The following ARHGAP22 variants were observed in gnomAD, a reference collection of about 807,000 sequenced individuals.
The protein encoded by ARHGAP22 is Rho GTPase activating protein 22.
Under a neutral mutation model 59.1 loss-of-function variants are expected in ARHGAP22, and 48 were observed. The ratio of observed to expected loss-of-function variants is 0.81; its 90% CI spans 0.64 to 1.03. ARHGAP22 has a LOEUF of 1.03. Among genes scored for constraint, ARHGAP22 ranks in the 50% least tolerant of loss-of-function variants. The pLI is 0.00. For missense variants in ARHGAP22, 1,015 were observed against 958.7 expected, an observed-to-expected ratio of 1.06 and a Z score of -0.78; for synonymous variants, 445 against 416.4, an observed-to-expected ratio of 1.07 and a Z score of -0.84.
the ARHGAP22 span, chr10:48,435,059 T>TCTG: frequency 4.5e-6 from 2 of 447,998 alleles, no homozygotes; most frequent in Non-Finnish European, 4.3e-6. Context: ...GTGGGAGGGA[T>TCTG]GGGGAGTCGG....
chr10:48,555,579 G>A (rs2057247608), intron 2 of ARHGAP22, 29 bp from the exon 3 acceptor site: 1 of 1,604,028 alleles, frequency 6.2e-7, no homozygotes, highest in Non-Finnish European at 8.5e-7. Flanking sequence ...CAAACACAGG[G>A]AGCATGAGAT....
intron 1 of ARHGAP22, among the ~76,000 whole-genome samples, chr10:48,637,015 G>A (rs952374464): frequency 1.1e-4 from 17 of 152,216 alleles, no homozygotes; most frequent in Admixed American, 3.9e-4. Flanking sequence ...GAGCTCCAGC[G>A]TGAAGGGCCA....
intron 3 of ARHGAP22, among the ~76,000 whole-genome samples, chr10:48,518,055 T>C (rs2053461707): frequency 6.6e-6 from 1 of 152,090 alleles, no homozygotes; most frequent in African/African-American, 2.4e-5. Flanking sequence ...CTGGTTCCCT[T>C]TTTGAAAAAC....
At chr10:48,533,183 T>TG (rs765560049) in intron 3 of ARHGAP22, among the ~76,000 whole-genome samples, 281 of 132,316 alleles carry the variant, frequency 2.1e-3, no homozygotes, top group Middle Eastern at 7.0e-3. Flanking sequence ...GTTCTGTTGT[T>TG]TTTTTTTTTT....
chr10:48,462,248 T>TGG (rs35916329), intron 4 of ARHGAP22, among the ~76,000 whole-genome samples: 637 of 54,602 alleles, frequency 0.012, 2 homozygotes, highest in African/African-American at 0.035. Context: ...CACTTCGGGG[T>TGG]GGGGGGGGGG....
rs75894174 is a variant in ARHGAP22 at position 48,627,776 on chromosome 10, G to A, written c.52+24458C>T. Among the ~76,000 whole-genome samples, 411 of 152,340 alleles carry A rather than the reference G, an allele frequency of 2.7e-3. 15 individuals are homozygous for A. The East Asian group carries it at 0.07, about 26-fold the overall frequency. On this transcript the variant is annotated intron_variant, in intron 1 of 9. Coordinates refer to the ARHGAP22 transcript ENST00000435790. ...GCATGCATTCTCAGGGCCCCTGGAT[G>A]AGGGTCACTTTGGGCCCGGCCTCTG...
intron 8 of ARHGAP22, among the ~76,000 whole-genome samples, chr10:48,452,583 T>C (rs1205647346): frequency 1.3e-5 from 2 of 152,224 alleles, no homozygotes; most frequent in Non-Finnish European, 2.9e-5. Context: ...GCTGTGGGCT[T>C]CCTGTCTGAG....
At chr10:48,465,033 G>C (rs2047513241) in intron 4 of ARHGAP22, among the ~76,000 whole-genome samples, 1 of 152,256 alleles carries the variant, frequency 6.6e-6, no homozygotes, top group South Asian at 2.1e-4. Flanking sequence ...CCTTATTAGG[G>C]GCCCCACCAA....
chr10:48,499,774 G>A (rs1007536721), intron 3 of ARHGAP22, among the ~76,000 whole-genome samples: 1 of 152,158 alleles, frequency 6.6e-6, no homozygotes, highest in African/African-American at 2.4e-5. Context: ...TAAATCAACT[G>A]GGTGCGAAAT....
chr10:48,613,230 A>G (rs2060960179), intron 1 of ARHGAP22, among the ~76,000 whole-genome samples: 1 of 152,080 alleles, frequency 6.6e-6, no homozygotes, highest in Non-Finnish European at 1.5e-5. Flanking sequence ...ACTCATCATC[A>G]TGATATGGCC....
intron 1 of ARHGAP22, among the ~76,000 whole-genome samples, chr10:48,611,666 G>A (rs1384928474): frequency 6.6e-6 from 1 of 151,956 alleles, no homozygotes; most frequent in Non-Finnish European, 1.5e-5. Context: ...TAGAAAGAGT[G>A]GAAATTTCCC....
chr10:48,454,931 C>T (rs1225431241), intron 6 of ARHGAP22, 71 bp downstream of exon 6: 2 of 1,465,488 alleles, frequency 1.4e-6, no homozygotes, highest in Non-Finnish European at 9.1e-7. Context: ...AAGTCAGAGT[C>T]TGTGTCCTGA....
At chr10:48,610,087 G>A (rs569921975) in intron 1 of ARHGAP22, among the ~76,000 whole-genome samples, 31 of 152,306 alleles carry the variant, frequency 2.0e-4, no homozygotes, top group East Asian at 1.5e-3. Context: ...CAGCTCTGCT[G>A]CCTTGGGCCT....
At chr10:48,599,163 T>C (rs1406273435) in intron 1 of ARHGAP22, among the ~76,000 whole-genome samples, 1 of 152,182 alleles carries the variant, frequency 6.6e-6, no homozygotes, top group Non-Finnish European at 1.5e-5. Context: ...GGATGTGACA[T>C]TCTAAAGTGA....
chr10:48,567,244 G>T (rs904915157), intron 2 of ARHGAP22, among the ~76,000 whole-genome samples: 1 of 152,236 alleles, frequency 6.6e-6, no homozygotes, highest in East Asian at 1.9e-4. Flanking sequence ...GGTTGAGGCT[G>T]CACTACTGGT....
intron 7 of ARHGAP22, 133 bp downstream of exon 7, chr10:48,453,955 G>C (rs2046244774): frequency 2.2e-6 from 2 of 917,930 alleles, no homozygotes; most frequent in African/African-American, 1.6e-5. Flanking sequence ...GTCCACGCTG[G>C]GTTGAGGCTG....
intron 3 of ARHGAP22, among the ~76,000 whole-genome samples, chr10:48,545,998 G>T (rs1207739008): frequency 6.6e-6 from 1 of 152,214 alleles, no homozygotes; most frequent in Non-Finnish European, 1.5e-5. Context: ...TTGCCCTTGA[G>T]AGCTAGGGTC....
chr10:48,553,160 C>T (rs562011377), intron 3 of ARHGAP22, among the ~76,000 whole-genome samples: 81 of 152,366 alleles, frequency 5.3e-4, no homozygotes, highest in African/African-American at 1.9e-3. Flanking sequence ...GCAGCACTGG[C>T]ATTGTGCTCT....
At chr10:48,495,471 C>A (rs1337293340) in intron 3 of ARHGAP22, among the ~76,000 whole-genome samples, 6 of 152,212 alleles carry the variant, frequency 3.9e-5, no homozygotes, top group Admixed American at 2.0e-4. Flanking sequence ...CCAACTGCCC[C>A]CGGTCACCCA....
Sources: allele counts gnomAD v4.1 joint callset (sites outside exome capture counted in the v4.1 genomes callset), GRCh38; gene constraint gnomAD v4.1.1; transcripts MANE v1.5; gene names NCBI Gene and HGNC (gene_info 2026-07-23, HGNC 2026-07-21).